The following CAMTA1 variants were observed in gnomAD, a reference collection of about 807,000 sequenced individuals.
CAMTA1 encodes the protein calmodulin-binding transcription activator 1.
In CAMTA1, 27 loss-of-function variants were observed where a neutral mutation model predicts 170.9. The ratio of observed to expected loss-of-function variants is 0.16; its 90% confidence interval spans 0.12 to 0.22. The LOEUF (loss-of-function observed/expected upper bound fraction) is 0.22, where lower values mean the gene tolerates loss of function less well. Ranked by LOEUF, CAMTA1 falls within the 10% of genes least tolerant of loss-of-function variation. The probability of loss-of-function intolerance (pLI) is 1.00; values close to 1 mark genes in which losing one functional copy is unlikely to be tolerated. For synonymous variants in CAMTA1, 833 were observed against 891.5 expected, an observed-to-expected ratio of 0.93 and a Z score of 1.17; for missense variants, 1,619 against 2,217.2, an observed-to-expected ratio of 0.73 and a Z score of 5.42.
At chr1:7,726,592 G>C (rs1488791958) in intron 11 of CAMTA1, among the ~76,000 whole-genome samples, 1 of 152,176 alleles carries the variant, frequency 6.6e-6, no homozygotes, top group African/African-American at 2.4e-5. Flanking sequence ...GTCTGTCTCT[G>C]GGTTATGCGT....
chr1:7,155,046 G>T (rs1042548082), intron 4 of CAMTA1, among the ~76,000 whole-genome samples: 1 of 152,190 alleles, frequency 6.6e-6, no homozygotes, highest in African/African-American at 2.4e-5. Context: ...CCCTTCTCCA[G>T]CCAGGATGAG....
In CAMTA1 at chr1:7,499,820, G is replaced by A. The variant is rs554583997; in HGVS notation, c.510+31919G>A. 1.1e-3 allele frequency among the ~76,000 whole-genome samples: 154 copies of A among 145,232 alleles called. 7 individuals are homozygous for A. Among genetic ancestry groups the A allele is most frequent in the African/African-American group, 3.8e-3 (146 of 38,906 alleles). On this transcript the variant is annotated intron_variant, in intron 6 of 22. Transcript: ENST00000303635. ...GGAGAGGATTGTGTGAGCCTGGTGTGCATGCATATGTATGTGTGTGTGCAT... is the reference window on the plus strand; with the variant it reads ...GGAGAGGATTGTGTGAGCCTGGTGTACATGCATATGTATGTGTGTGTGCAT...
At chr1:7,703,568 G>T (rs563611129) in intron 11 of CAMTA1, among the ~76,000 whole-genome samples, 108 of 152,286 alleles carry the variant, frequency 7.1e-4, no homozygotes, top group Non-Finnish European at 1.1e-3. Context: ...AAATGTTGGG[G>T]TTGTTTCTGT....
intron 6 of CAMTA1, among the ~76,000 whole-genome samples, chr1:7,559,318 C>T (rs1314095832): frequency 6.6e-6 from 1 of 152,146 alleles, no homozygotes; most frequent in African/African-American, 2.4e-5. Flanking sequence ...CCAGCTCTGC[C>T]CAGGGGAGGG....
intron 4 of CAMTA1, among the ~76,000 whole-genome samples, chr1:7,111,253 G>T (rs1644020755): frequency 6.6e-6 from 1 of 152,182 alleles, no homozygotes; most frequent in African/African-American, 2.4e-5. Flanking sequence ...AATTCAACTT[G>T]CCAACTTACT....
At chr1:6,794,456 C>A (rs1641948382) in intron 1 of CAMTA1, among the ~76,000 whole-genome samples, 1 of 152,050 alleles carries the variant, frequency 6.6e-6, no homozygotes, top group African/African-American at 2.4e-5. Flanking sequence ...TTAATAAGAT[C>A]TTCTTTTTAA....
intron 6 of CAMTA1, among the ~76,000 whole-genome samples, chr1:7,610,574 G>C (rs1016485865): frequency 5.3e-5 from 8 of 152,156 alleles, no homozygotes; most frequent in African/African-American, 1.9e-4. Flanking sequence ...AAAGTGACTG[G>C]GGGCAGACTC....
chr1:6,949,120 T>C (rs1001148081), intron 3 of CAMTA1, among the ~76,000 whole-genome samples: 21 of 152,228 alleles, frequency 1.4e-4, no homozygotes, highest in Non-Finnish European at 2.8e-4. Context: ...ACTAATCCAC[T>C]CTGAGACTTT....
chr1:7,654,655 TACAC>T (rs58181190), intron 7 of CAMTA1, among the ~76,000 whole-genome samples: 1 of 141,524 alleles, frequency 7.1e-6, no homozygotes, highest in Non-Finnish European at 1.5e-5. Flanking sequence ...CACACACCTA[TACAC>T]ACACACCTAT....
At chr1:7,646,451 G>A (rs117064436) in intron 7 of CAMTA1, among the ~76,000 whole-genome samples, 107 of 149,368 alleles carry the variant, frequency 7.2e-4, no homozygotes, top group African/African-American at 2.1e-3. Flanking sequence ...CTGTTGAGGC[G>A]GATGGAGGCC....
rs547280116 is a variant in CAMTA1 at position 7,166,650 on chromosome 1, T to C, written c.302+75279T>C. ...CTTTTCCTTGCTATTGGATTGTCTGTCTTTTAGTTATTGATTGATTTGCAG... is the reference window on the plus strand; with the variant it reads ...CTTTTCCTTGCTATTGGATTGTCTGCCTTTTAGTTATTGATTGATTTGCAG... On this transcript the variant is annotated intron_variant, in intron 4 of 22. Transcript: ENST00000303635. Among the ~76,000 whole-genome samples the C allele has an allele frequency of 2.0e-5, 3 of 152,304 alleles. No homozygotes were observed. In the South Asian group the frequency reaches 6.2e-4, roughly 32 times the overall value.
intron 1 of CAMTA1, among the ~76,000 whole-genome samples, chr1:6,815,811 T>C (rs1645738721): frequency 6.6e-6 from 1 of 152,200 alleles, no homozygotes; most frequent in Non-Finnish European, 1.5e-5. Flanking sequence ...AGGCAGAATC[T>C]CAGGTTCTCC....
chr1:7,407,643 G>C (rs1444567706), intron 5 of CAMTA1, among the ~76,000 whole-genome samples: 1 of 152,174 alleles, frequency 6.6e-6, no homozygotes, highest in Non-Finnish European at 1.5e-5. Flanking sequence ...CTTTAAGAAT[G>C]AAAGCCCTTT....
intron 6 of CAMTA1, among the ~76,000 whole-genome samples, chr1:7,493,639 G>A (rs1480701815): frequency 1.3e-4 from 2 of 15,776 alleles, no homozygotes; most frequent in Admixed American, 1.8e-3. Flanking sequence ...ATCCCCCAGG[G>A]AACTGGGGGG....
At chr1:6,877,704 G>A (rs957932819) in intron 3 of CAMTA1, among the ~76,000 whole-genome samples, 1 of 152,174 alleles carries the variant, frequency 6.6e-6, no homozygotes, top group Non-Finnish European at 1.5e-5. Context: ...GCTGGCCACA[G>A]AACTTCAATT....
At chr1:7,224,000 C>A (rs1016751635) in intron 4 of CAMTA1, among the ~76,000 whole-genome samples, 1 of 152,102 alleles carries the variant, frequency 6.6e-6, no homozygotes, top group East Asian at 1.9e-4. Flanking sequence ...CTCGATCACC[C>A]CAGATGACCA....
intron 3 of CAMTA1, among the ~76,000 whole-genome samples, chr1:6,921,001 C>T (rs988772417): frequency 8.5e-5 from 13 of 152,224 alleles, no homozygotes. Context: ...ACATTCGGCT[C>T]CTCGTTATTT....
chr1:7,181,116 T>C (rs1488778482), intron 4 of CAMTA1, among the ~76,000 whole-genome samples: 2 of 152,202 alleles, frequency 1.3e-5, no homozygotes, highest in Non-Finnish European at 2.9e-5. Context: ...AATCTATTAG[T>C]GTACTATATT....
intron 4 of CAMTA1, chr1:7,219,427 T>C (rs1056124552): frequency 9.9e-5 from 15 of 151,636 alleles, no homozygotes; most frequent in African/African-American, 3.6e-4. Flanking sequence ...GGCTTATCCA[T>C]TGTGCGCCAG....
Sources: allele counts gnomAD v4.1 joint callset (sites outside exome capture counted in the v4.1 genomes callset), GRCh38; gene constraint gnomAD v4.1.1; transcripts MANE v1.5; gene names NCBI Gene and HGNC (gene_info 2026-07-23, HGNC 2026-07-21).